USP38: variants seen among roughly 807,000 people sequenced by gnomAD.
USP38 encodes ubiquitin carboxyl-terminal hydrolase 38.
In USP38, 49 loss-of-function variants were observed where a neutral mutation model predicts 94.3. The ratio of observed to expected loss-of-function variants is 0.52; its 90% CI spans 0.41 to 0.66. The LOEUF is 0.66. Among genes scored for constraint, USP38 ranks in the 30% least tolerant of loss-of-function variants. USP38 has a pLI of 0.00. For synonymous variants in USP38, 468 were observed against 463.6 expected, an observed-to-expected ratio of 1.01 and a Z score of -0.12; for missense variants, 1,128 against 1,229.4, an observed-to-expected ratio of 0.92 and a Z score of 1.23.
At chr4:143,199,227 A>T (rs1010225704) in intron 4 of USP38, among the ~76,000 whole-genome samples, 4 of 152,132 alleles carry the variant, frequency 2.6e-5, no homozygotes, top group African/African-American at 9.7e-5. Context: ...ATAAGTGAAA[A>T]CATGGGGTAT....
chr4:143,206,761 A>G (rs753950053), intron 6 of USP38, among the ~76,000 whole-genome samples: 5 of 152,202 alleles, frequency 3.3e-5, no homozygotes, highest in Non-Finnish European at 7.3e-5. Flanking sequence ...AGAAATTACT[A>G]TTCCAAAGAG....
chr4:143,203,307 A>G, intron 4 of USP38, 101 bp from the exon 5 acceptor site: 1 of 1,166,500 alleles, frequency 8.6e-7, no homozygotes. Context: ...CATACAGAAA[A>G]GTATCTGCTG....
At chr4:143,207,139 C>T (rs1011270697) in intron 6 of USP38, among the ~76,000 whole-genome samples, 4 of 152,176 alleles carry the variant, frequency 2.6e-5, no homozygotes, top group African/African-American at 9.7e-5. Flanking sequence ...GAATTTTTCT[C>T]CTGATTACCA....
intron 2 of USP38, among the ~76,000 whole-genome samples, chr4:143,189,228 TTTCTC>T (rs1661326364): frequency 6.6e-6 from 1 of 152,090 alleles, no homozygotes; most frequent in African/African-American, 2.4e-5. Context: ...GTTCACTAAT[TTTCTC>T]TTCAAAGGTG....
intron 2 of USP38, 106 bp downstream of exon 2, chr4:143,188,067 A>G (rs2149603296): frequency 2.3e-6 from 3 of 1,286,282 alleles, no homozygotes; most frequent in Non-Finnish European, 3.2e-6. Context: ...AACTAAAATC[A>G]TGGAATGACA....
chr4:143,207,558 A>T (rs933245000), intron 6 of USP38, among the ~76,000 whole-genome samples: 1 of 152,110 alleles, frequency 6.6e-6, no homozygotes, highest in Admixed American at 6.6e-5. Flanking sequence ...AAAGAGAGAG[A>T]GAGAAGAATT....
chr4:143,199,739 C>T (rs1194970746), intron 4 of USP38, among the ~76,000 whole-genome samples: 1 of 152,032 alleles, frequency 6.6e-6, no homozygotes, highest in Non-Finnish European at 1.5e-5. Context: ...ATCAGTAATA[C>T]TGAGCTTTTT....
chr4:143,190,300 A>G (rs1221180252), intron 2 of USP38, among the ~76,000 whole-genome samples: 1 of 152,112 alleles, frequency 6.6e-6, no homozygotes. Context: ...AAACTATTTA[A>G]TACTCACCAC....
chr4:143,214,209 C>A lies in USP38; in HGVS notation c.2233C>A (p.Leu745Met). 6.2e-7 allele frequency: 1 copy of A among 1,613,640 alleles called. No homozygotes were observed. The highest frequency in any genetic ancestry group is 8.5e-7 in the Non-Finnish European group (1 of 1,179,810). The change falls in exon 9 of 10, where the codon CTG becomes ATG. Residue 745 changes from leucine (L) to methionine (M), a missense_variant. Coordinates refer to ENST00000307017, the MANE Select transcript of USP38 (RefSeq NM_032557.6). ...ATATTATTGTGAAAACTGTGCCTCT[C>A]TGCAAAATGCTGAGAAAACTATGCA... Reference protein sequence around the residue: ...NQYYCENCASLQNAEKTMQIT... With the variant: ...NQYYCENCASMQNAEKTMQIT...
chr4:143,220,556 A>G lies in USP38; in HGVS notation c.*100A>G, dbSNP rs563000517. ...ATATCTATCTTTTATTTTTCATTAG[A>G]CCCTTATACTTCAAGAGAACACACT... On this transcript the variant is annotated 3_prime_UTR_variant, in exon 10 of 10. Coordinates refer to ENST00000307017, the MANE Select transcript of USP38 (RefSeq NM_032557.6). The G allele has an allele frequency of 1.4e-5, 17 of 1,189,538 alleles. No individual in the cohort carries two copies. In the East Asian group the frequency reaches 2.0e-4, roughly 14 times the overall value. The allele number at this position is 1,189,538 out of a possible 1,614,324, so 73.7% of individuals were successfully genotyped here.
rs1288782640 is a variant in USP38, at chr4:143,206,941, C to A, written c.1403+715C>A. The stretch of plus-strand genomic sequence containing the variant: ...TTTGAGAAGTTTAAGTTCTGCTCCA[C>A]CCCAGGGCAATAATTACTGAACACA... On this transcript the variant is annotated intron_variant, in intron 6 of 9. Coordinates refer to ENST00000307017, the MANE Select transcript of USP38 (RefSeq NM_032557.6). 5.3e-5 allele frequency among the ~76,000 whole-genome samples: 8 copies of A among 152,144 alleles called. No individual in the cohort carries two copies. In the East Asian group the frequency reaches 1.5e-3, roughly 29 times the overall value.
Position 143,185,536 on chromosome 4 carries a change from C to T in USP38, c.86C>T (p.Ala29Val), listed in dbSNP as rs1377508944. The T allele has an allele frequency of 1.9e-6, 3 of 1,613,508 alleles. No homozygotes were observed. The highest frequency in any genetic ancestry group is 2.5e-6 in the Non-Finnish European group (3 of 1,179,740). The change falls in exon 1 of 10, where the codon GCG becomes GTG. Residue 29 changes from alanine (A) to valine (V), a missense_variant. Coordinates refer to ENST00000307017, the MANE Select transcript of USP38 (RefSeq NM_032557.6). ...RVIVRKVVES[A>V]EHWLDEAQCE... ...ATTGTGCGGAAGGTGGTGGAATCGG[C>T]GGAGCACTGGCTAGACGAGGCGCAG...
At position 143,213,458 on chromosome 4, in the gene USP38, A is replaced by G. The variant is rs371996002; in HGVS notation, c.1605-123A>G. The G allele has an allele frequency of 1.2e-4, 135 of 1,151,814 alleles. No individual in the cohort carries two copies. The African/African-American group carries it at 1.9e-3, about 16-fold the overall frequency. 71.3% of individuals were successfully genotyped at this position (1,151,814 alleles called of 1,614,324 possible). On this transcript the variant is annotated intron_variant, in intron 8 of 9. Coordinates refer to ENST00000307017, the MANE Select transcript of USP38 (RefSeq NM_032557.6). ...TCAATTTTCTTTTAATTAAAACAGG[A>G]AAAACCTGATTTGTTTACATTAAAT...
intron 4 of USP38, among the ~76,000 whole-genome samples, chr4:143,201,226 T>C (rs951967306): frequency 2.6e-5 from 4 of 152,126 alleles, no homozygotes; most frequent in African/African-American, 9.7e-5. Context: ...CAGACGAAGC[T>C]GCACACCTAT....
At chr4:143,215,184 G>A in intron 9 of USP38, 1 of 473,116 alleles carries the variant, frequency 2.1e-6, no homozygotes, top group East Asian at 3.7e-5. Context: ...ACAAAAGATG[G>A]CTCATTCTGA....
chr4:143,189,380 G>A (rs1001833488), intron 2 of USP38, among the ~76,000 whole-genome samples: 3 of 151,866 alleles, frequency 2.0e-5, no homozygotes, highest in Non-Finnish European at 4.4e-5. Flanking sequence ...CTGCATGTGT[G>A]TGTATATTAA....
At chr4:143,192,752 A>G (rs1175967149) in intron 2 of USP38, among the ~76,000 whole-genome samples, 1 of 152,022 alleles carries the variant, frequency 6.6e-6, no homozygotes, top group Non-Finnish European at 1.5e-5. Context: ...TTAGATTTTA[A>G]CATACGAATT....
Position 143,220,529 on chromosome 4 carries a change from A to C in USP38, c.*73A>C, listed in dbSNP as rs1314072860. ...GACTGTTAAAATGTCAGACTATAAC[A>C]AATATCTATCTTTTATTTTTCATTA... On this transcript the variant is annotated 3_prime_UTR_variant, in exon 10 of 10. Transcript: ENST00000307017. 7.3e-7 allele frequency: 1 copy of C among 1,369,624 alleles called. No homozygotes were observed. The highest frequency in any genetic ancestry group is 9.6e-7 in the Non-Finnish European group (1 of 1,041,020). The allele number at this position is 1,369,624 out of a possible 1,614,324, so 84.8% of individuals were successfully genotyped here.
At chr4:143,204,583 C>CCTG in intron 5 of USP38, 1 of 344,074 alleles carries the variant, frequency 2.9e-6, no homozygotes, top group Non-Finnish European at 5.6e-6. Context: ...GAGTCGGGGC[C>CCTG]TCACTATGTT....
Sources: gnomAD v4.1 joint callset for allele counts (sites outside exome capture counted in the v4.1 genomes callset) on GRCh38, gnomAD v4.1.1 for gene constraint, MANE v1.5 for transcripts, NCBI Gene and HGNC (gene_info 2026-07-23, HGNC 2026-07-21) for gene names.